BAHCC1: variants seen among roughly 807,000 people sequenced by gnomAD.
BAHCC1 encodes BAH and coiled-coil domain-containing protein 1.
BAHCC1 carries 43 observed loss-of-function variants against 88.2 expected under a neutral mutation model. That is an observed-to-expected ratio of 0.49 (90% CI 0.38 to 0.63). The LOEUF is 0.63. Ranked by LOEUF, BAHCC1 falls within the 20% of genes least tolerant of loss-of-function variation. The pLI, the probability that BAHCC1 is intolerant of heterozygous loss-of-function variation, is 0.00. For synonymous variants in BAHCC1, 1,510 were observed against 745.5 expected, an observed-to-expected ratio of 2.03 and a Z score of -16.71; for missense variants, 3,023 against 1,654.8, an observed-to-expected ratio of 1.83 and a Z score of -14.34.
Position 81,435,999 on chromosome 17 carries a change from TGGGA to T in BAHCC1, c.359-2368_359-2365del, listed in dbSNP as rs2064330537. 6.6e-6 allele frequency among the ~76,000 whole-genome samples: 1 copy of T among 152,246 alleles called. No homozygotes were observed. Among genetic ancestry groups the T allele is most frequent in the South Asian group, 2.1e-4 (1 of 4,834 alleles). ...AGAAAGGGGCTTTCTGTCGCTGGGC[TGGGA>T]GGACCTTTTCCCTTCCTTTCTCTGC... On this transcript the variant is annotated intron_variant, in intron 3 of 27. Transcript: ENST00000675386. The surrounding 1 kb of genome is among the most constrained non-coding windows in gnomAD (Gnocchi z 4.4).
intron 2 of BAHCC1, among the ~76,000 whole-genome samples, chr17:81,400,527 C>T (rs1233248549): frequency 6.6e-6 from 1 of 152,222 alleles, no homozygotes; most frequent in Non-Finnish European, 1.5e-5. Flanking sequence ...CCGGACAAAG[C>T]GTGGCCAGAG....
intron 2 of BAHCC1, among the ~76,000 whole-genome samples, chr17:81,419,528 C>A (rs775983775): frequency 6.6e-6 from 1 of 152,244 alleles, no homozygotes; most frequent in Non-Finnish European, 1.5e-5. Context: ...TTCCCAGCCA[C>A]TCCTGGTGTC....
Position 81,429,558 on chromosome 17 carries a change from G to A in BAHCC1, c.358+2579G>A, listed in dbSNP as rs916856394. Reference sequence around the variant, plus strand: ...TTGACAGGGTGCCAGCTGGCTCCCCGTGCGCCGGGCCTGTTTCTCTGCCGT... The same window carrying A: ...TTGACAGGGTGCCAGCTGGCTCCCCATGCGCCGGGCCTGTTTCTCTGCCGT... On this transcript the variant is annotated intron_variant, in intron 3 of 27. Transcript: ENST00000675386. 1.9e-3 allele frequency among the ~76,000 whole-genome samples: 289 copies of A among 152,288 alleles called. 1 individual carries two copies. Among genetic ancestry groups the A allele is most frequent in the African/African-American group, 6.4e-3 (266 of 41,560 alleles).
At chr17:81,403,785 G>C (rs1479823683) in intron 2 of BAHCC1, among the ~76,000 whole-genome samples, 1 of 152,184 alleles carries the variant, frequency 6.6e-6, no homozygotes, top group African/African-American at 2.4e-5. Flanking sequence ...CAAAGTTGCC[G>C]CGAGCCCAAA....
Position 81,447,562 on chromosome 17 carries a change from C to T in BAHCC1, c.3690C>T (p.Asp1230=), listed in dbSNP as rs375519029. The T allele has an allele frequency of 2.0e-5, 15 of 756,606 alleles. No individual in the cohort carries two copies. The highest frequency in any genetic ancestry group is 5.0e-5 in the East Asian group (2 of 40,194). The allele number at this position is 756,606 out of a possible 1,614,324, so 46.9% of individuals were successfully genotyped here. A position where few individuals can be genotyped will look rare whatever the true frequency, so the allele number is the denominator to read the frequency against. The part of the protein sequence containing the change: ...PAPEEDELEE[D]ELGQQSMEDS... ...CTGAGGAGGACGAGCTGGAGGAAGA[C>T]GAGCTGGGGCAGCAGAGCATGGAGG... The change falls in exon 11 of 28, where the codon GAC becomes GAT. Residue 1230 remains aspartate (D), a synonymous_variant. Coordinates refer to ENST00000675386, the MANE Select transcript of BAHCC1 (RefSeq NM_001377448.1).
chr17:81,425,349 G>A (rs1163961668), intron 2 of BAHCC1, among the ~76,000 whole-genome samples: 2 of 149,178 alleles, frequency 1.3e-5, no homozygotes, highest in African/African-American at 4.9e-5. Flanking sequence ...GATGTGGTTG[G>A]TGGTGATAGT....
intron 2 of BAHCC1, chr17:81,400,913 AGCGCGCAGGGCTGC>A (rs1158973379): frequency 6.5e-6 from 1 of 153,384 alleles, no homozygotes; most frequent in African/African-American, 2.4e-5. Flanking sequence ...ATTCGGGGGA[AGCGCGCAGGGCTGC>A]GCTAGGGACC....
intron 1 of BAHCC1, among the ~76,000 whole-genome samples, chr17:81,397,646 C>T (rs1555645133): frequency 1.3e-5 from 2 of 152,056 alleles, no homozygotes; most frequent in African/African-American, 4.8e-5. Flanking sequence ...CCCGGGCAGC[C>T]CCTCCCCTGA....
intron 2 of BAHCC1, among the ~76,000 whole-genome samples, chr17:81,412,683 G>A (rs1466931228): frequency 1.3e-5 from 2 of 152,110 alleles, no homozygotes. Flanking sequence ...CCCCGTCCGC[G>A]CCCCCCGCCC....
chr17:81,459,049 C>T lies in BAHCC1; in HGVS notation c.5606-5C>T. The T allele has an allele frequency of 1.3e-6, 1 of 750,414 alleles. No individual in the cohort carries two copies. Among genetic ancestry groups the T allele is most frequent in the Admixed American group, 1.8e-5 (1 of 55,368 alleles). The allele number at this position is 750,414 out of a possible 1,614,324, so 46.5% of individuals were successfully genotyped here. ...GTGCCGGCCGCTGACACCTTGTGCC[C>T]ACAGCGCGCTCGTGTGCCATCCACA... On this transcript the variant is annotated splice_region_variant and splice_polypyrimidine_tract_variant and intron_variant, in intron 20 of 27. Coordinates refer to ENST00000675386, the MANE Select transcript of BAHCC1 (RefSeq NM_001377448.1).
intron 2 of BAHCC1, among the ~76,000 whole-genome samples, chr17:81,417,798 G>C (rs2064054564): frequency 1.3e-5 from 2 of 152,206 alleles, no homozygotes; most frequent in South Asian, 4.1e-4. Flanking sequence ...GTTCTCCTGA[G>C]CCAGCCAAGG....
In BAHCC1 at chr17:81,461,080, C is replaced by A. The variant is rs545789137; in HGVS notation, c.6417C>A (p.Phe2139Leu). Residue 2139 changes from phenylalanine to leucine, a missense_variant, in exon 26 of 28, where the codon TTC becomes TTA. Transcript: ENST00000675386. Reference sequence around the variant, plus strand: ...AGCTGCGGGCCCGCGAGGCCCTGTTCCCCGTGCACAGCGTGGCCACACCCA... The same window carrying A: ...AGCTGCGGGCCCGCGAGGCCCTGTTACCCGTGCACAGCGTGGCCACACCCA... ...SKKLRAREAL[F>L]PVHSVATPIF... 128 of 769,602 alleles carry A rather than the reference C, an allele frequency of 1.7e-4. 1 individual carries two copies. Among genetic ancestry groups the A allele is most frequent in the South Asian group, 1.7e-3 (123 of 74,304 alleles). The allele number at this position is 769,602 out of a possible 1,614,324, so 47.7% of individuals were successfully genotyped here. A position where few individuals can be genotyped will look rare whatever the true frequency, so the allele number is the denominator to read the frequency against.
chr17:81,457,853 C>G (rs1555657763), intron 17 of BAHCC1, among the ~76,000 whole-genome samples: 11 of 6,458 alleles, frequency 1.7e-3, no homozygotes, highest in Admixed American at 2.3e-3. Context: ...AGGGGGAGGG[C>G]AGGGGTTGTT....
At chr17:81,419,190 C>T (rs1186027127) in intron 2 of BAHCC1, among the ~76,000 whole-genome samples, 7 of 152,246 alleles carry the variant, frequency 4.6e-5, no homozygotes, top group African/African-American at 1.7e-4. Context: ...GCCACAGCAG[C>T]TTCTGGTCTC....
intron 2 of BAHCC1, among the ~76,000 whole-genome samples, chr17:81,417,848 C>G (rs1196730725): frequency 6.6e-6 from 1 of 152,228 alleles, no homozygotes; most frequent in Non-Finnish European, 1.5e-5. Context: ...GGGCGGGCGC[C>G]CCTCCCACAG....
chr17:81,421,251 C>T (rs1234490873), intron 2 of BAHCC1, among the ~76,000 whole-genome samples: 19 of 152,332 alleles, frequency 1.2e-4, no homozygotes, highest in South Asian at 1.2e-3. Context: ...CCTTGGCCCA[C>T]ACGGTCTGGC....
rs76249129 is a variant in BAHCC1 at position 81,455,115 on chromosome 17, C to T, written c.4446-152C>T. Among the ~76,000 whole-genome samples the T allele has an allele frequency of 3.3e-4, 50 of 152,304 alleles. 1 individual carries two copies. In the East Asian group the frequency reaches 8.5e-3, roughly 26 times the overall value. Reference sequence around the variant, plus strand: ...AGGAGGTCAGAGCTGGCTCGGCCCCCGGGGCCCCTCACCCCCTGCTCTGTC... The same window carrying T: ...AGGAGGTCAGAGCTGGCTCGGCCCCTGGGGCCCCTCACCCCCTGCTCTGTC... On this transcript the variant is annotated intron_variant, in intron 14 of 27. Coordinates refer to ENST00000675386, the MANE Select transcript of BAHCC1 (RefSeq NM_001377448.1).
chr17:81,423,204 C>T (rs1568006070), intron 2 of BAHCC1, among the ~76,000 whole-genome samples: 1 of 152,224 alleles, frequency 6.6e-6, no homozygotes, highest in Non-Finnish European at 1.5e-5. Flanking sequence ...CTCACAGACC[C>T]CTCCTCTGCT....
chr17:81,414,776 C>A (rs1215101094), intron 2 of BAHCC1, among the ~76,000 whole-genome samples: 1 of 152,172 alleles, frequency 6.6e-6, no homozygotes, highest in Non-Finnish European at 1.5e-5. Context: ...CCCAAGGCCC[C>A]GGGACGGGGT....
Sources: gnomAD v4.1 joint callset for allele counts (sites outside exome capture counted in the v4.1 genomes callset) on GRCh38, gnomAD v4.1.1 for gene constraint, Gnocchi (gnomAD v3.1) non-coding constraint, MANE v1.5 for transcripts, NCBI Gene and HGNC (gene_info 2026-07-23, HGNC 2026-07-21) for gene names.